CRK: variants seen among roughly 807,000 people sequenced by gnomAD.
CRK encodes the protein adapter molecule crk.
A neutral mutation model predicts 29.8 loss-of-function variants in CRK; 4 were observed. The ratio of observed to expected loss-of-function variants is 0.13; its 90% CI spans 0.07 to 0.31. The LOEUF (loss-of-function observed/expected upper bound fraction) is 0.31. Ranked by LOEUF, CRK falls within the 10% of genes least tolerant of loss-of-function variation. The pLI is 1.00. For missense variants in CRK, 274 were observed against 396.5 expected, an observed-to-expected ratio of 0.69 and a Z score of 2.62; for synonymous variants, 153 against 164.9, an observed-to-expected ratio of 0.93 and a Z score of 0.55.
At chr17:1,425,710 C>A (rs1740430096) in intron 2 of CRK, among the ~76,000 whole-genome samples, 1 of 152,240 alleles carries the variant, frequency 6.6e-6, no homozygotes, top group Non-Finnish European at 1.5e-5. Context: ...CGCAGGGCCT[C>A]TTCCAGGCCC....
At chr17:1,444,447 C>T (rs1015097422) in intron 1 of CRK, among the ~76,000 whole-genome samples, 4 of 152,046 alleles carry the variant, frequency 2.6e-5, no homozygotes, top group Non-Finnish European at 4.4e-5. Flanking sequence ...ATTGCTTGAA[C>T]CTGGGAGGCG....
chr17:1,423,796 C>A (rs905259573), intron 2 of CRK, 146 bp from the exon 3 acceptor site: 4 of 919,268 alleles, frequency 4.4e-6, no homozygotes, highest in African/African-American at 1.7e-5. Flanking sequence ...CCAGCCCCAG[C>A]CACCAGACTG....
At chr17:1,452,082 G>A (rs1364054247) in intron 1 of CRK, among the ~76,000 whole-genome samples, 1 of 152,154 alleles carries the variant, frequency 6.6e-6, no homozygotes, top group East Asian at 1.9e-4. Context: ...GTGCACTGCT[G>A]AGATGCCAAA....
At chr17:1,431,215 T>C (rs2073842233) in intron 2 of CRK, among the ~76,000 whole-genome samples, 1 of 152,152 alleles carries the variant, frequency 6.6e-6, no homozygotes, top group Non-Finnish European at 1.5e-5. Flanking sequence ...TGGTGCCACA[T>C]GTGGCCTTAG....
At chr17:1,430,501 T>C (rs888646931) in intron 2 of CRK, among the ~76,000 whole-genome samples, 21 of 150,264 alleles carry the variant, frequency 1.4e-4, no homozygotes, top group East Asian at 3.9e-4. Context: ...GGACTACAGA[T>C]GCCCGCCACC....
chr17:1,427,978 C>T (rs1207571138), intron 2 of CRK, among the ~76,000 whole-genome samples: 1 of 151,788 alleles, frequency 6.6e-6, no homozygotes, highest in Admixed American at 6.6e-5. Flanking sequence ...TCTCAAATCA[C>T]ATCCCACAAA....
intron 1 of CRK, among the ~76,000 whole-genome samples, chr17:1,451,910 G>A (rs2074021357): frequency 1.3e-5 from 2 of 152,054 alleles, no homozygotes; most frequent in African/African-American, 4.8e-5. Context: ...ACTTGAACCT[G>A]GGAAGCAGAG....
chr17:1,428,136 T>A (rs10599341), intron 2 of CRK, among the ~76,000 whole-genome samples: 64,978 of 145,274 alleles, frequency 0.45, 14,787 homozygotes, highest in South Asian at 0.55. Flanking sequence ...TTTTTTTTTT[T>A]AATGGAGTTT....
intron 2 of CRK, among the ~76,000 whole-genome samples, chr17:1,430,092 T>G (rs1201572899): frequency 6.6e-6 from 1 of 151,718 alleles, no homozygotes; most frequent in Non-Finnish European, 1.5e-5. Context: ...TTGCCCAGGC[T>G]GGAGTGCAGT....
At chr17:1,452,976 GA>G (rs2074030130) in intron 1 of CRK, among the ~76,000 whole-genome samples, 1 of 152,020 alleles carries the variant, frequency 6.6e-6, no homozygotes, top group South Asian at 2.1e-4. Context: ...AGGCATGGTG[GA>G]TACGCCTGGA....
At chr17:1,450,641 G>C (rs35316912) in intron 1 of CRK, among the ~76,000 whole-genome samples, 84,547 of 151,184 alleles carry the variant, frequency 0.56, 24,008 homozygotes, top group South Asian at 0.65. Context: ...CCAGCACTTT[G>C]GGGAAGCCGA....
chr17:1,455,760 G>A, intron 1 of CRK, 117 bp downstream of exon 1: 17 of 1,326,344 alleles, frequency 1.3e-5, no homozygotes, highest in East Asian at 3.1e-5. Flanking sequence ...CCCTGCCACG[G>A]TCACCCAGCC....
chr17:1,424,607 CT>C (rs1275062286), intron 2 of CRK: 1 of 152,352 alleles, frequency 6.6e-6, no homozygotes, highest in Non-Finnish European at 1.5e-5. Context: ...TCAGTAAGCT[CT>C]ACTTCACAAG....
chr17:1,442,093 G>C (rs924986759), intron 1 of CRK, among the ~76,000 whole-genome samples: 3 of 151,610 alleles, frequency 2.0e-5, no homozygotes, highest in African/African-American at 7.3e-5. Flanking sequence ...CTGAGCTCCA[G>C]AGATCCACTT....
At chr17:1,439,125 T>G (rs1049317098) in intron 1 of CRK, among the ~76,000 whole-genome samples, 1 of 152,142 alleles carries the variant, frequency 6.6e-6, no homozygotes, top group African/African-American at 2.4e-5. Context: ...CGACGGAGTC[T>G]CGCTCTGTCC....
At chr17:1,449,235 C>G (rs1203314695) in intron 1 of CRK, among the ~76,000 whole-genome samples, 2 of 152,142 alleles carry the variant, frequency 1.3e-5, no homozygotes, top group Non-Finnish European at 2.9e-5. Flanking sequence ...AAGTGCTGGA[C>G]CCGAGGTCCT....
intron 2 of CRK, 28 bp downstream of exon 2, chr17:1,436,587 ATCTCT>A (rs753232311): frequency 1.8e-5 from 25 of 1,378,612 alleles, no homozygotes; most frequent in Non-Finnish European, 2.2e-5. Context: ...CCTGCAGCAG[ATCTCT>A]TCTTTCTACA....
chr17:1,436,962 C>A lies in CRK; in HGVS notation c.435G>T (p.Gly145=). ...TAAAGGGAAGATCTTCCTCATCATT[C>A]CCATTAAAGTCAAAGAGGGCTCGCA... The part of the protein sequence containing the change: ...EYVRALFDFN[G]NDEEDLPFKK... Residue 145 remains glycine (G), a synonymous_variant, in exon 2 of 3, where the codon GGG becomes GGT. Transcript: ENST00000300574. The A allele has an allele frequency of 6.2e-7, 1 of 1,614,170 alleles. No individual in the cohort carries two copies. The highest frequency in any genetic ancestry group is 2.2e-5 in the East Asian group (1 of 44,886).
Position 1,422,959 on chromosome 17 carries a change from C to T in CRK, c.*554G>A. On this transcript the variant is annotated 3_prime_UTR_variant, in exon 3 of 3. Transcript: ENST00000300574. ...GTATGAAGCATTGACTAGGAGGGAA[C>T]AAATGCTTCTAGTAGTGTTCTTAGA... 2.5e-6 allele frequency: 1 copy of T among 399,012 alleles called. No individual in the cohort carries two copies. The highest frequency in any genetic ancestry group is 4.4e-6 in the Non-Finnish European group (1 of 226,132). The allele number at this position is 399,012 out of a possible 1,614,324, so 24.7% of individuals were successfully genotyped here. A position where few individuals can be genotyped will look rare whatever the true frequency, so the allele number is the denominator to read the frequency against.
Sources: allele counts gnomAD v4.1 joint callset (sites outside exome capture counted in the v4.1 genomes callset), GRCh38; gene constraint gnomAD v4.1.1; transcripts MANE v1.5; gene names NCBI Gene and HGNC (gene_info 2026-07-23, HGNC 2026-07-21).